The following MBTPS1 variants were observed in gnomAD, a reference collection of about 807,000 sequenced individuals.
The protein encoded by MBTPS1 is membrane-bound transcription factor site-1 protease.
A neutral mutation model predicts 127.8 loss-of-function variants in MBTPS1; 94 were observed. That is an observed-to-expected ratio of 0.74 (90% CI 0.62 to 0.87). MBTPS1 has a LOEUF of 0.87. MBTPS1 is among the 40% of genes least tolerant of loss of function. MBTPS1 has a pLI of 0.00. For missense variants in MBTPS1, 1,636 were observed against 1,353.2 expected, an observed-to-expected ratio of 1.21 and a Z score of -3.28; for synonymous variants, 632 against 509.4, an observed-to-expected ratio of 1.24 and a Z score of -3.24.
chr16:84,066,178 A>G (rs1415339233), intron 17 of MBTPS1, among the ~76,000 whole-genome samples: 2 of 152,178 alleles, frequency 1.3e-5, no homozygotes, highest in Admixed American at 6.5e-5. Context: ...GGAAACACAA[A>G]GTTATTTCAT....
intron 11 of MBTPS1, among the ~76,000 whole-genome samples, chr16:84,077,015 C>T (rs536322678): frequency 6.6e-6 from 1 of 152,168 alleles, no homozygotes; most frequent in Non-Finnish European, 1.5e-5. Context: ...GGCTTGAGCC[C>T]AGGAGTTGAA....
chr16:84,090,694 GT>G (rs1898146837), intron 8 of MBTPS1, among the ~76,000 whole-genome samples, 180 bp downstream of exon 8: 1 of 152,170 alleles, frequency 6.6e-6, no homozygotes, highest in Non-Finnish European at 1.5e-5. Context: ...GAGGTGAGTG[GT>G]GAGTACCTGG....
In MBTPS1 at chr16:84,095,527, C is replaced by A. The variant is rs996745245; in HGVS notation, c.625+75G>T. ...AACATGGAATTCCTGCATGTCTGGA[C>A]TTTCCGCGCCTTCCCTGGGTAATAG... is the stretch of plus-strand genomic sequence containing the variant. On this transcript the variant is annotated intron_variant, in intron 4 of 22. Transcript: ENST00000343411. 6 of 1,527,492 alleles carry A rather than the reference C, an allele frequency of 3.9e-6. No homozygotes were observed. The Admixed American group carries it at 1.0e-4, about 26-fold the overall frequency. 94.6% of individuals were successfully genotyped at this position (1,527,492 alleles called of 1,614,324 possible). A position where few individuals can be genotyped will look rare whatever the true frequency, so the allele number is the denominator to read the frequency against.
chr16:84,101,739 G>A lies in MBTPS1; in HGVS notation c.45C>T (p.Leu15=). ...TGTCGCCCAGATGTTTCTTCCCACA[G>A]AGCAAAACCACGAGCAGAAGCAGCC... ...NIWLLLLVVL[L]CGKKHLGDRL... is the part of the protein sequence containing the mutation. The change falls in exon 2 of 23, where the codon CTC becomes CTT. Residue 15 remains leucine (L), a synonymous_variant. Transcript: ENST00000343411. 6.2e-7 allele frequency: 1 copy of A among 1,614,098 alleles called. No homozygotes were observed. The highest frequency in any genetic ancestry group is 8.5e-7 in the Non-Finnish European group (1 of 1,179,990).
In MBTPS1 at chr16:84,059,363, G is replaced by A. The variant is rs2085572186; in HGVS notation, c.2770C>T (p.Leu924=). Residue 924 remains leucine (L), a synonymous_variant, in exon 21 of 23, where the codon CTA becomes TTA. Transcript: ENST00000343411. The stretch of plus-strand genomic sequence containing the variant: ...CAAGACAAGCGTGGACAGGCTGGTA[G>A]AGGCCGAGGTTTTGGGTCTCCCAAA... ...AHLGDPKPRP[L]PACPRLSWAK... 3.1e-6 allele frequency: 5 copies of A among 1,614,090 alleles called. No individual in the cohort carries two copies. Among genetic ancestry groups the A allele is most frequent in the African/African-American group, 2.7e-5 (2 of 74,946 alleles).
chr16:84,103,971 G>A (rs940516862), intron 1 of MBTPS1, among the ~76,000 whole-genome samples: 3 of 152,198 alleles, frequency 2.0e-5, no homozygotes, highest in African/African-American at 7.2e-5. Flanking sequence ...CAGAAAAGCA[G>A]AGGGCACCTA....
chr16:84,080,710 A>C (rs1051114581), intron 11 of MBTPS1, among the ~76,000 whole-genome samples: 2 of 152,254 alleles, frequency 1.3e-5, no homozygotes, highest in Non-Finnish European at 2.9e-5. Context: ...AGGATTTCCC[A>C]TCAGCCAAAA....
At chr16:84,085,661 T>A (rs893410000) in intron 9 of MBTPS1, among the ~76,000 whole-genome samples, 1 of 149,882 alleles carries the variant, frequency 6.7e-6, no homozygotes, top group African/African-American at 2.5e-5. Context: ...AGTAAATTTT[T>A]AAAAATATAT....
At chr16:84,084,885 C>A in intron 10 of MBTPS1, 98 bp downstream of exon 10, 1 of 1,377,188 alleles carries the variant, frequency 7.3e-7, no homozygotes, top group Non-Finnish European at 1.0e-6. Flanking sequence ...CTCTCAAACC[C>A]AAGACAGGGC....
chr16:84,090,855 T>C lies in MBTPS1; in HGVS notation c.1031+20A>G. ...AAGGGGGAAAAAATCCCCGAGGTCA[T>C]CCCTGCTGGGGCTACTTACCCATAA... On this transcript the variant is annotated intron_variant, in intron 8 of 22. Coordinates refer to ENST00000343411, the MANE Select transcript of MBTPS1 (RefSeq NM_003791.4). The C allele has an allele frequency of 6.3e-7, 1 of 1,590,942 alleles. No homozygotes were observed.
rs184930824 is a variant in MBTPS1, at chr16:84,098,529, G to A, written c.421+524C>T. Reference sequence around the variant, plus strand: ...GGAGGCTAAGGCAGGAGAATCACTTGAACCTGGGTGGAGGTTGAGGTGAGC... The same window carrying A: ...GGAGGCTAAGGCAGGAGAATCACTTAAACCTGGGTGGAGGTTGAGGTGAGC... On this transcript the variant is annotated intron_variant, in intron 3 of 22. Coordinates refer to ENST00000343411, the MANE Select transcript of MBTPS1 (RefSeq NM_003791.4). Among the ~76,000 whole-genome samples the A allele has an allele frequency of 1.8e-3, 243 of 138,498 alleles. 4 individuals are homozygous for A. In the East Asian group the frequency reaches 0.042, roughly 24 times the overall value. The allele number at this position is 138,498 out of a possible 152,430, so 90.9% of individuals were successfully genotyped here.
At chr16:84,083,689 G>A (rs925717859) in intron 10 of MBTPS1, among the ~76,000 whole-genome samples, 1 of 152,122 alleles carries the variant, frequency 6.6e-6, no homozygotes, top group African/African-American at 2.4e-5. Context: ...AAAATATAAA[G>A]ACATTTAATA....
At chr16:84,056,522 T>C in intron 21 of MBTPS1, 1 of 168,776 alleles carries the variant, frequency 5.9e-6, no homozygotes, top group East Asian at 1.7e-4. Context: ...ATCGAGGTCC[T>C]CTCCCTAAGG....
Position 84,059,355 on chromosome 16 carries a change from G to A in MBTPS1, c.2778C>T (p.Ala926=). The part of the protein sequence containing the change: ...LGDPKPRPLP[A]CPRLSWAKPQ... ...GCTTGGCCCAAGACAAGCGTGGACAGGCTGGTAGAGGCCGAGGTTTTGGGT... is the reference window on the plus strand; with the variant it reads ...GCTTGGCCCAAGACAAGCGTGGACAAGCTGGTAGAGGCCGAGGTTTTGGGT... The change falls in exon 21 of 23, where the codon GCC becomes GCT. Residue 926 remains alanine, a synonymous_variant. Transcript: ENST00000343411. 1.2e-6 allele frequency: 2 copies of A among 1,614,180 alleles called. No individual in the cohort carries two copies. The highest frequency in any genetic ancestry group is 1.7e-6 in the Non-Finnish European group (2 of 1,180,010).
At chr16:84,067,147 G>C (rs1239030141) in intron 16 of MBTPS1, among the ~76,000 whole-genome samples, 1 of 151,808 alleles carries the variant, frequency 6.6e-6, no homozygotes, top group Non-Finnish European at 1.5e-5. Flanking sequence ...AGTTCCTTTG[G>C]TGCATTTAAA....
chr16:84,087,275 C>T, intron 9 of MBTPS1, 83 bp downstream of exon 9: 1 of 1,067,822 alleles, frequency 9.4e-7, no homozygotes, highest in Non-Finnish European at 1.4e-6. Flanking sequence ...TACAAATACA[C>T]CCCAAGGCTC....
intron 8 of MBTPS1, 132 bp downstream of exon 8, chr16:84,090,743 G>T: frequency 1.5e-6 from 1 of 688,926 alleles, no homozygotes; most frequent in Non-Finnish European, 2.5e-6. Context: ...TTTACATGAG[G>T]AAAACATCCT....
chr16:84,105,547 G>A (rs114865523), intron 1 of MBTPS1, among the ~76,000 whole-genome samples: 82 of 152,206 alleles, frequency 5.4e-4, no homozygotes, highest in African/African-American at 1.9e-3. Context: ...CGTGAGGGAG[G>A]GAGGAGCAGA....
chr16:84,089,305 G>A (rs2086072187), intron 8 of MBTPS1, among the ~76,000 whole-genome samples: 1 of 152,260 alleles, frequency 6.6e-6, no homozygotes, highest in South Asian at 2.1e-4. Context: ...CTGGAACACA[G>A]TCATGTTCAT....
Sources: gnomAD v4.1 joint callset for allele counts (sites outside exome capture counted in the v4.1 genomes callset) on GRCh38, gnomAD v4.1.1 for gene constraint, MANE v1.5 for transcripts, NCBI Gene and HGNC (gene_info 2026-07-23, HGNC 2026-07-21) for gene names.